SPAG16: variants seen among roughly 807,000 people sequenced by gnomAD.
The protein encoded by SPAG16 is sperm-associated antigen 16 protein.
In SPAG16, 86 loss-of-function variants were observed where a neutral mutation model predicts 80.4. The observed-to-expected ratio is 1.07, with a 90% CI of 0.90 to 1.28. The LOEUF is 1.28. Among genes scored for constraint, SPAG16 ranks in the 50% most tolerant of loss-of-function variants. The pLI, the probability that SPAG16 is intolerant of heterozygous loss-of-function variation, is 0.00. For missense variants in SPAG16, 870 were observed against 765.3 expected, an observed-to-expected ratio of 1.14 and a Z score of -1.61; for synonymous variants, 294 against 265.9, an observed-to-expected ratio of 1.11 and a Z score of -1.03.
At chr2:213,769,320 G>A (rs2069116762) in intron 10 of SPAG16, among the ~76,000 whole-genome samples, 1 of 152,140 alleles carries the variant, frequency 6.6e-6, no homozygotes, top group African/African-American at 2.4e-5. Context: ...AATTTCCATA[G>A]AAGTTGAAGG....
At chr2:213,321,707 G>A (rs977316336) in intron 5 of SPAG16, among the ~76,000 whole-genome samples, 2 of 152,024 alleles carry the variant, frequency 1.3e-5, no homozygotes, top group Non-Finnish European at 2.9e-5. Context: ...GGTTTTCTCT[G>A]TACCTGCTAT....
intron 12 of SPAG16, among the ~76,000 whole-genome samples, chr2:213,996,446 T>G (rs973836171): frequency 6.6e-6 from 1 of 152,010 alleles, no homozygotes; most frequent in Non-Finnish European, 1.5e-5. Flanking sequence ...TCAGGAAAAG[T>G]CAGAATGTAG....
intron 15 of SPAG16, among the ~76,000 whole-genome samples, chr2:214,296,847 C>T (rs1694168032): frequency 6.6e-6 from 1 of 152,144 alleles, no homozygotes; most frequent in Non-Finnish European, 1.5e-5. Flanking sequence ...TGGCTTGGTG[C>T]ACACCTCACA....
At chr2:213,737,728 T>C (rs1487451315) in intron 10 of SPAG16, among the ~76,000 whole-genome samples, 1 of 152,184 alleles carries the variant, frequency 6.6e-6, no homozygotes, top group East Asian at 1.9e-4. Flanking sequence ...GACCTTGTGA[T>C]CAGCCCGCCT....
intron 11 of SPAG16, among the ~76,000 whole-genome samples, chr2:213,908,609 T>C (rs1237325533): frequency 6.6e-6 from 1 of 152,188 alleles, no homozygotes; most frequent in Non-Finnish European, 1.5e-5. Flanking sequence ...TATATAGTGC[T>C]GTCCTCTCAG....
At chr2:213,702,400 CATTTATG>C (rs1436399183) in intron 10 of SPAG16, among the ~76,000 whole-genome samples, 1 of 152,082 alleles carries the variant, frequency 6.6e-6, no homozygotes, top group Non-Finnish European at 1.5e-5. Flanking sequence ...GTCCATGCAG[CATTTATG>C]AGCTGTAACA....
chr2:213,785,208 G>C (rs1222252908), intron 10 of SPAG16, among the ~76,000 whole-genome samples: 1 of 152,054 alleles, frequency 6.6e-6, no homozygotes, highest in East Asian at 1.9e-4. Context: ...GGACAAATAC[G>C]ATGTGATTTT....
chr2:214,021,195 G>T (rs1300719885), intron 13 of SPAG16, among the ~76,000 whole-genome samples: 1 of 152,126 alleles, frequency 6.6e-6, no homozygotes, highest in African/African-American at 2.4e-5. Flanking sequence ...TTTAAATTTT[G>T]TGGGAGTAGA....
intron 10 of SPAG16, among the ~76,000 whole-genome samples, chr2:213,573,558 C>G (rs866138758): frequency 1.2e-4 from 19 of 152,248 alleles, no homozygotes; most frequent in Middle Eastern, 3.4e-3. Context: ...CATTAATTTT[C>G]TGCAGTATAG....
At chr2:214,371,976 C>T (rs942890153) in intron 15 of SPAG16, among the ~76,000 whole-genome samples, 1 of 152,066 alleles carries the variant, frequency 6.6e-6, no homozygotes, top group Non-Finnish European at 1.5e-5. Flanking sequence ...CCACTGCACC[C>T]AGCCGATATG....
intron 7 of SPAG16, among the ~76,000 whole-genome samples, chr2:213,363,578 C>A (rs1265138319): frequency 2.0e-5 from 3 of 151,874 alleles, no homozygotes. Flanking sequence ...CCAAAGCTAA[C>A]AAAAGTTCTT....
At chr2:214,088,871 T>C (rs1391261403) in intron 13 of SPAG16, among the ~76,000 whole-genome samples, 1 of 152,062 alleles carries the variant, frequency 6.6e-6, no homozygotes, top group East Asian at 1.9e-4. Flanking sequence ...ATAAAGCTAG[T>C]ATAACAATGA....
chr2:213,475,502 C>T (rs1243418355), intron 9 of SPAG16, among the ~76,000 whole-genome samples: 1 of 152,142 alleles, frequency 6.6e-6, no homozygotes, highest in African/African-American at 2.4e-5. Context: ...AAAAGGCATG[C>T]CTTAGTCTCT....
At chr2:213,867,181 C>T (rs954901422) in intron 11 of SPAG16, among the ~76,000 whole-genome samples, 1 of 152,124 alleles carries the variant, frequency 6.6e-6, no homozygotes, top group African/African-American at 2.4e-5. Flanking sequence ...ATATTTACCA[C>T]TAGATTAAGG....
intron 12 of SPAG16, among the ~76,000 whole-genome samples, chr2:213,958,737 G>T (rs140165436): frequency 2.6e-5 from 4 of 152,104 alleles, no homozygotes; most frequent in African/African-American, 9.6e-5. Context: ...CTAGCTTTTT[G>T]ACTTTTTTTT....
At chr2:214,333,252 A>C (rs1697053403) in intron 15 of SPAG16, among the ~76,000 whole-genome samples, 1 of 152,174 alleles carries the variant, frequency 6.6e-6, no homozygotes, top group Non-Finnish European at 1.5e-5. Context: ...TCTCGATTAT[A>C]TATGCTTGAT....
At chr2:214,228,856 A>G (rs982377424) in intron 15 of SPAG16, among the ~76,000 whole-genome samples, 2 of 151,940 alleles carry the variant, frequency 1.3e-5, no homozygotes, top group African/African-American at 2.4e-5. Context: ...GATTATGATT[A>G]GCTTCTTCAA....
At chr2:214,115,010 A>C (rs1217868880) in intron 14 of SPAG16, among the ~76,000 whole-genome samples, 1 of 152,250 alleles carries the variant, frequency 6.6e-6, no homozygotes, top group Non-Finnish European at 1.5e-5. Context: ...ATATAGCTCC[A>C]AATCAGTATC....
chr2:213,691,444 A>G (rs2064940900), intron 10 of SPAG16, among the ~76,000 whole-genome samples: 1 of 152,164 alleles, frequency 6.6e-6, no homozygotes, highest in South Asian at 2.1e-4. Context: ...ACATTTGACA[A>G]CCAGTATCAA....
Sources: allele counts gnomAD v4.1 joint callset (sites outside exome capture counted in the v4.1 genomes callset), GRCh38; gene constraint gnomAD v4.1.1; transcripts MANE v1.5; gene names NCBI Gene and HGNC (gene_info 2026-07-23, HGNC 2026-07-21).